CTDP1: variants seen among roughly 807,000 people sequenced by gnomAD.
CTDP1 encodes RNA polymerase II subunit A C-terminal domain phosphatase.
Under a neutral mutation model 91.8 loss-of-function variants are expected in CTDP1, and 47 were observed. That is an observed-to-expected ratio of 0.51 (90% CI 0.41 to 0.65). The LOEUF is 0.65. Among genes scored for constraint, CTDP1 ranks in the 30% least tolerant of loss-of-function variants. The pLI, the probability that CTDP1 is intolerant of heterozygous loss-of-function variation, is 0.00. For missense variants in CTDP1, 1,272 were observed against 1,373.7 expected (o/e 0.93, Z 1.17); for synonymous variants, 656 against 598.5 (o/e 1.10, Z -1.40).
chr18:79,749,456 C>T (rs2086949030), intron 12 of CTDP1, among the ~76,000 whole-genome samples: 1 of 151,404 alleles, frequency 6.6e-6, no homozygotes, highest in Admixed American at 6.6e-5. Context: ...TTGAGCAAGG[C>T]ATCAGCACAC....
rs115099447 is a variant in CTDP1, at chr18:79,697,731, G to A, written c.493-129G>A. The stretch of plus-strand genomic sequence containing the variant: ...AGCCCTGCCTCTCGGCCTGTACGGC[G>A]CAGTCCATGGAGCGTGGGGGGCTGG... On this transcript the variant is annotated intron_variant, in intron 3 of 12. Transcript: ENST00000613122. 1,532 of 1,381,864 alleles carry A rather than the reference G, an allele frequency of 1.1e-3. 6 individuals are homozygous for A. The African/African-American group carries it at 0.014, about 13-fold the overall frequency. 85.6% of individuals were successfully genotyped at this position (1,381,864 alleles called of 1,614,324 possible).
intron 1 of CTDP1, among the ~76,000 whole-genome samples, chr18:79,692,178 G>A (rs918707712): frequency 2.0e-5 from 3 of 151,854 alleles, no homozygotes; most frequent in East Asian, 1.9e-4. Flanking sequence ...GGTGGACTCC[G>A]GGTGGGGAAC....
intron 10 of CTDP1, among the ~76,000 whole-genome samples, chr18:79,722,537 C>T (rs1012320190): frequency 2.6e-5 from 4 of 152,142 alleles, no homozygotes; most frequent in African/African-American, 4.8e-5. Context: ...TTGCGATAAT[C>T]GTCAGTTTGG....
At chr18:79,690,294 CCA>C (rs745714683) in intron 1 of CTDP1, among the ~76,000 whole-genome samples, 17 of 152,324 alleles carry the variant, frequency 1.1e-4, no homozygotes, top group Admixed American at 2.6e-4. Flanking sequence ...GGCCAGAACC[CCA>C]CAGAGTTTGG....
In CTDP1 at chr18:79,714,494, A is replaced by G; in HGVS notation, c.1034A>G (p.Asn345Ser). Residue 345 changes from asparagine (N) to serine (S), a missense_variant, in exon 8 of 13, where the codon AAT (asparagine) becomes AGT (serine). Coordinates refer to ENST00000613122, the MANE Select transcript of CTDP1 (RefSeq NM_004715.5). Reference protein sequence around the residue: ...SRESQTRKKVNHSRGTEVSEP... With the variant: ...SRESQTRKKVSHSRGTEVSEP... ...TTCCTTTTGCATGCATATTTAGTAA[A>G]TCATTCTCGAGGCACTGAGGTCTCA... 1.2e-6 allele frequency: 2 copies of G among 1,613,074 alleles called. No homozygotes were observed. The highest frequency in any genetic ancestry group is 1.7e-6 in the Non-Finnish European group (2 of 1,180,024).
intron 12 of CTDP1, among the ~76,000 whole-genome samples, chr18:79,748,326 C>T (rs532797): frequency 0.39 from 59,080 of 152,180 alleles, 13,871 homozygotes; most frequent in Admixed American, 0.51. Flanking sequence ...TACTTCATCA[C>T]GGAGCGAGAC....
chr18:79,693,692 C>T (rs370707014), intron 1 of CTDP1, among the ~76,000 whole-genome samples: 3 of 152,166 alleles, frequency 2.0e-5, no homozygotes, highest in East Asian at 1.9e-4. Flanking sequence ...CCCGAGGGCT[C>T]GGAGCCCCGC....
At chr18:79,701,116 G>T (rs550463523) in intron 4 of CTDP1, among the ~76,000 whole-genome samples, 1 of 152,160 alleles carries the variant, frequency 6.6e-6, no homozygotes, top group African/African-American at 2.4e-5. Flanking sequence ...TGATGGAGAC[G>T]TACAGGAGAG....
intron 1 of CTDP1, among the ~76,000 whole-genome samples, chr18:79,693,839 A>G (rs899992916): frequency 1.4e-5 from 2 of 145,522 alleles, no homozygotes; most frequent in Non-Finnish European, 3.0e-5. Context: ...TGCTGGCTAC[A>G]GACCCGCCCC....
At position 79,715,277 on chromosome 18, in the gene CTDP1, C is replaced by T; in HGVS notation, c.1817C>T (p.Ala606Val). The change falls in exon 8 of 13, where the codon GCC becomes GTC. Residue 606 changes from alanine (A) to valine (V), a missense_variant. Ala to Val is a moderately conservative substitution (Grantham distance 64). Around this residue, in one of 3 missense-constraint regions of CTDP1, gnomAD observed 881 missense variants for 911.6 expected, o/e 0.97. Transcript: ENST00000613122. ...GTCCGTGTACACACTGACTACTATGCCAAGTATGACCGCTACCTCAACAAG... is the reference window on the plus strand; with the variant it reads ...GTCCGTGTACACACTGACTACTATGTCAAGTATGACCGCTACCTCAACAAG... ...ILVRVHTDYY[A>V]KYDRYLNKEI... The T allele has an allele frequency of 6.2e-7, 1 of 1,610,354 alleles. No individual in the cohort carries two copies. The highest frequency in any genetic ancestry group is 1.1e-5 in the South Asian group (1 of 90,392).
chr18:79,751,327 G>T (rs2086996212), intron 12 of CTDP1, among the ~76,000 whole-genome samples: 1 of 150,874 alleles, frequency 6.6e-6, no homozygotes. Context: ...GGAGGGAGGG[G>T]CTGGGCACAG....
chr18:79,704,371 C>T (rs1181262628), intron 4 of CTDP1, among the ~76,000 whole-genome samples: 2 of 151,808 alleles, frequency 1.3e-5, no homozygotes, highest in African/African-American at 2.4e-5. Context: ...TGTGTCCACA[C>T]GCATGTCCTC....
At chr18:79,756,619 A>G (rs945536526), downstream of CTDP1, 2 of 152,270 alleles carry the variant, frequency 1.3e-5, no homozygotes, top group Admixed American at 6.5e-5. Context: ...TTAAGAAGAA[A>G]CTTGAACTTG....
chr18:79,680,567 T>C (rs138046672), intron 1 of CTDP1, among the ~76,000 whole-genome samples: 8 of 152,244 alleles, frequency 5.3e-5, no homozygotes, highest in Admixed American at 5.2e-4. Context: ...TAGCTCCACC[T>C]TTGTGACTTA....
intron 10 of CTDP1, among the ~76,000 whole-genome samples, chr18:79,726,344 C>T (rs1403121172): frequency 6.6e-6 from 1 of 152,112 alleles, no homozygotes; most frequent in East Asian, 1.9e-4. Flanking sequence ...ATTTCTTTGC[C>T]AATCCTTTCT....
intron 11 of CTDP1, among the ~76,000 whole-genome samples, chr18:79,735,080 G>A (rs1295212752): frequency 1.3e-5 from 2 of 152,198 alleles, no homozygotes; most frequent in Non-Finnish European, 2.9e-5. Context: ...CCTCCATGTG[G>A]GCTCGGGGGC....
chr18:79,756,580 A>G (rs556661485), downstream of CTDP1: 3 of 152,266 alleles, frequency 2.0e-5, no homozygotes, highest in Non-Finnish European at 2.9e-5. Context: ...TAAATACTGA[A>G]TAATTATACA....
chr18:79,709,795 A>G (rs1181129722), intron 5 of CTDP1, among the ~76,000 whole-genome samples: 1 of 152,226 alleles, frequency 6.6e-6, no homozygotes, highest in Non-Finnish European at 1.5e-5. Context: ...GTGTATTTCT[A>G]CAACACAGAG....
chr18:79,714,877 G>C lies in CTDP1; in HGVS notation c.1417G>C (p.Ala473Pro), dbSNP rs781594932. The C allele has an allele frequency of 1.9e-6, 3 of 1,579,990 alleles. No individual in the cohort carries two copies. Among genetic ancestry groups the C allele is most frequent in the Non-Finnish European group, 1.7e-6 (2 of 1,163,636 alleles). ...CGAGGGCACGAAGTCCTCCTCCTCC[G>C]CCTCTGATGGCGAAAGCGAGGGGAA... ...ESEGTKSSSS[A>P]SDGESEGKRG... The change falls in exon 8 of 13, where the codon GCC becomes CCC. Residue 473 changes from alanine (A) to proline (P), a missense_variant. Coordinates refer to ENST00000613122, the MANE Select transcript of CTDP1 (RefSeq NM_004715.5).
Sources: gnomAD v4.1 joint callset for allele counts (sites outside exome capture counted in the v4.1 genomes callset) on GRCh38, gnomAD v4.1.1 for gene constraint, gnomAD v4.1.1 regional missense constraint, MANE v1.5 for transcripts, NCBI Gene and HGNC (gene_info 2026-07-23, HGNC 2026-07-21) for gene names.